The following FAAH2 variants were observed in gnomAD, a reference collection of about 807,000 sequenced individuals.
FAAH2 encodes fatty acid amide hydrolase 2.
FAAH2 carries 60 observed loss-of-function variants against 36.9 expected under a neutral mutation model. The ratio of observed to expected loss-of-function variants is 1.63; its 90% CI spans 1.32 to 2.02. FAAH2 has a LOEUF of 2.02. FAAH2 is among the 30% of genes most tolerant of loss of function. The pLI is 0.00. For synonymous variants in FAAH2, 214 were observed against 143.8 expected, an observed-to-expected ratio of 1.49 and a Z score of -3.49; for missense variants, 689 against 397.5, an observed-to-expected ratio of 1.73 and a Z score of -6.23.
intron 4 of FAAH2, 80 bp from the exon 5 acceptor site, chrX:57,341,191 A>G: frequency 9.6e-7 from 1 of 1,043,574 alleles, no homozygotes; most frequent in Non-Finnish European, 1.3e-6. Flanking sequence ...AAAAGGTTGA[A>G]AGTGAAAAGA....
At chrX:57,244,399 C>T in the FAAH2 span, among the ~76,000 whole-genome samples, 2 of 110,561 alleles carry the variant, frequency 1.8e-5, no homozygotes, top group Admixed American at 1.9e-4. Context: ...CAGAGAACAC[C>T]ACAAACATAC....
the FAAH2 span, among the ~76,000 whole-genome samples, chrX:57,221,398 G>A: frequency 1.8e-5 from 2 of 110,834 alleles, no homozygotes; most frequent in Non-Finnish European, 3.8e-5. Context: ...CTCAGTCGCA[G>A]GACACCACAC....
At chrX:57,406,283 G>A (rs1479112388) in intron 7 of FAAH2, among the ~76,000 whole-genome samples, 1 of 112,152 alleles carries the variant, frequency 8.9e-6, no homozygotes, top group African/African-American at 3.2e-5. Context: ...ATATGATCTG[G>A]CACACTATCT....
chrX:57,152,146 G>T, the FAAH2 span, among the ~76,000 whole-genome samples: 2 of 111,865 alleles, frequency 1.8e-5, no homozygotes, highest in Non-Finnish European at 3.8e-5. Context: ...TCTCAGAGGG[G>T]TACTCAGCTG....
chrX:57,259,169 CATT>C, the FAAH2 span, among the ~76,000 whole-genome samples: 2 of 111,459 alleles, frequency 1.8e-5, no homozygotes, highest in African/African-American at 6.5e-5. Context: ...TTGGTATAGT[CATT>C]ATGAAAAACA....
the FAAH2 span, among the ~76,000 whole-genome samples, chrX:57,272,640 CA>C: frequency 1.8e-5 from 2 of 111,990 alleles, no homozygotes. Context: ...ACCAGAATTT[CA>C]TATCTAGCCA....
At chrX:57,362,379 C>T (rs917037417) in intron 5 of FAAH2, among the ~76,000 whole-genome samples, 1 of 110,925 alleles carries the variant, frequency 9.0e-6, no homozygotes, top group African/African-American at 3.3e-5. Flanking sequence ...GGACAGATAG[C>T]ATTAGGAGAA....
the FAAH2 span, among the ~76,000 whole-genome samples, chrX:57,272,789 C>T: frequency 4.5e-5 from 5 of 112,176 alleles, no homozygotes; most frequent in Non-Finnish European, 9.4e-5. Context: ...AGTTACCAGC[C>T]AATACAAAAA....
chrX:57,279,005 G>T, the FAAH2 span, among the ~76,000 whole-genome samples: 1 of 112,074 alleles, frequency 8.9e-6, no homozygotes, highest in African/African-American at 3.2e-5. Flanking sequence ...CACTGTTAGG[G>T]GAGTGTGAAT....
intron 8 of FAAH2, among the ~76,000 whole-genome samples, chrX:57,432,417 G>A (rs1320663470): frequency 9.0e-6 from 1 of 111,503 alleles, no homozygotes; most frequent in Non-Finnish European, 1.9e-5. Flanking sequence ...TTGTATGCTA[G>A]GTACTCAGAA....
intron 2 of FAAH2, among the ~76,000 whole-genome samples, chrX:57,306,890 C>CTATATATA (rs756902537): frequency 0.047 from 3,915 of 84,056 alleles, 149 homozygotes; most frequent in Non-Finnish European, 0.068. Flanking sequence ...TATATATACA[C>CTATATATA]CATATATACA....
the FAAH2 span, among the ~76,000 whole-genome samples, chrX:57,169,464 G>T: frequency 1.8e-5 from 1 of 55,842 alleles, no homozygotes; most frequent in Non-Finnish European, 2.9e-5. Flanking sequence ...AACTTCCTAG[G>T]CTATAATTTC....
At chrX:57,462,367 T>C (rs1220693013) in intron 10 of FAAH2, among the ~76,000 whole-genome samples, 1 of 110,806 alleles carries the variant, frequency 9.0e-6, no homozygotes, top group Admixed American at 9.6e-5. Flanking sequence ...ACAGAAAATT[T>C]CAGGCCAGTA....
chrX:57,438,224 A>T (rs753403148), intron 8 of FAAH2, among the ~76,000 whole-genome samples: 1 of 86,924 alleles, frequency 1.2e-5, no homozygotes, highest in Non-Finnish European at 2.2e-5. Flanking sequence ...TATATATATC[A>T]GTATATATAT....
the FAAH2 span, among the ~76,000 whole-genome samples, chrX:57,255,541 A>T: frequency 8.9e-6 from 1 of 112,107 alleles, no homozygotes; most frequent in Non-Finnish European, 1.9e-5. Context: ...ATACTGGCAA[A>T]CCAAATGCAG....
chrX:57,341,358 T>C lies in FAAH2; in HGVS notation c.710T>C (p.Phe237Ser), dbSNP rs774654577. ...IGGSIRMPAF[F>S]NGIFGHKPSP... is the part of the protein sequence containing the mutation. Reference sequence around the variant, plus strand: ...GGTAGCATTCGAATGCCTGCTTTCTTCAATGGTATATTTGGACACAAGCCT... The same window carrying C: ...GGTAGCATTCGAATGCCTGCTTTCTCCAATGGTATATTTGGACACAAGCCT... Residue 237 changes from phenylalanine to serine, a missense_variant, in exon 5 of 11, where the codon TTC becomes TCC. Physicochemically the swap from Phe to Ser is radical, Grantham distance 155. Coordinates refer to ENST00000374900, the MANE Select transcript of FAAH2 (RefSeq NM_174912.4). 5.8e-6 allele frequency: 7 copies of C among 1,209,045 alleles called. No homozygotes were observed. In the East Asian group the frequency reaches 2.1e-4, roughly 36 times the overall value.
Position 57,286,765 on chromosome X carries a change from G to C in FAAH2, c.-61G>C. On this transcript the variant is annotated 5_prime_UTR_variant, in exon 1 of 11. Transcript: ENST00000374900. ...TCCCTCTTTGCTTAGTACTTTTCTC[G>C]TCCTTTCCCCAGGGTGCACGTAACC... 1 of 1,013,528 alleles carries C rather than the reference G, an allele frequency of 9.9e-7. No homozygotes were observed. The highest frequency in any genetic ancestry group is 3.6e-5 in the East Asian group (1 of 27,859). The allele number at this position is 1,013,528 out of a possible 1,213,427, so 83.5% of individuals were successfully genotyped here.
chrX:57,159,316 T>A, the FAAH2 span, among the ~76,000 whole-genome samples: 2 of 111,912 alleles, frequency 1.8e-5, no homozygotes, highest in African/African-American at 6.5e-5. Context: ...TTGACTTGGC[T>A]ATGCGGGCTG....
At chrX:57,195,352 A>G in the FAAH2 span, among the ~76,000 whole-genome samples, 1 of 111,539 alleles carries the variant, frequency 9.0e-6, no homozygotes, top group Non-Finnish European at 1.9e-5. Context: ...TTTTCTTGAT[A>G]ATTAGTGATG....
Sources: gnomAD v4.1 joint callset for allele counts (sites outside exome capture counted in the v4.1 genomes callset) on GRCh38, gnomAD v4.1.1 for gene constraint, MANE v1.5 for transcripts, NCBI Gene and HGNC (gene_info 2026-07-23, HGNC 2026-07-21) for gene names.